The following FRYL variants were observed in gnomAD, a reference collection of about 807,000 sequenced individuals.
The protein encoded by FRYL is protein furry homolog-like.
FRYL carries 150 observed loss-of-function variants against 351.2 expected under a neutral mutation model. The ratio of observed to expected loss-of-function variants is 0.43; its 90% confidence interval spans 0.37 to 0.49. FRYL has a LOEUF of 0.49. Among genes scored for constraint, FRYL ranks in the 20% least tolerant of loss-of-function variants. The pLI, the probability that FRYL is intolerant of heterozygous loss-of-function variation, is 0.00. For synonymous variants in FRYL, 1,153 were observed against 1,257.1 expected (o/e 0.92, Z 1.75); for missense variants, 3,036 against 3,619.3 (o/e 0.84, Z 4.13).
Position 48,505,780 on chromosome 4 carries a change from A to G in FRYL, c.8395-165T>C, listed in dbSNP as rs1322962139. The G allele has an allele frequency of 1.1e-5, 6 of 526,736 alleles. No homozygotes were observed. In the Admixed American group the frequency reaches 1.4e-4, roughly 13 times the overall value. The allele number at this position is 526,736 out of a possible 1,614,324, so 32.6% of individuals were successfully genotyped here. On this transcript the variant is annotated intron_variant, in intron 59 of 63. Transcript: ENST00000358350. The stretch of plus-strand genomic sequence containing the variant: ...CCAAATCAATCATTTATATGGAACT[A>G]ACAAAAGCAGGGATAGCATTAATGT...
Position 48,531,272 on chromosome 4 carries a change from G to T in FRYL, c.6787C>A (p.Pro2263Thr). 6.2e-7 allele frequency: 1 copy of T among 1,612,944 alleles called. No homozygotes were observed. Residue 2263 changes from proline to threonine, a missense_variant, in exon 50 of 64, where the codon CCC becomes ACC. By Grantham distance (38) the Pro-to-Thr change is conservative. Transcript: ENST00000358350. ...SASLVVPSDI[P>T]KTYGGDTGSP... ...CCTGTATCTCCTCCATAGGTCTTGG[G>T]GATATCACTGGGTACGACAAGACTC...
intron 1 of FRYL, among the ~76,000 whole-genome samples, chr4:48,744,326 T>A (rs1020649845): frequency 2.0e-5 from 3 of 152,040 alleles, no homozygotes; most frequent in Non-Finnish European, 4.4e-5. Context: ...AAAGCTATTA[T>A]ATATTGTTGA....
intron 1 of FRYL, among the ~76,000 whole-genome samples, chr4:48,765,164 C>T (rs1774820267): frequency 6.6e-6 from 1 of 152,068 alleles, no homozygotes; most frequent in Non-Finnish European, 1.5e-5. Flanking sequence ...TTCTAAAATT[C>T]ATATGGAACC....
At chr4:48,752,943 C>T (rs866819998) in intron 1 of FRYL, among the ~76,000 whole-genome samples, 1 of 151,932 alleles carries the variant, frequency 6.6e-6, no homozygotes, top group African/African-American at 2.4e-5. Context: ...TGGCGCCTAT[C>T]GTTGGAGTCC....
At chr4:48,710,838 A>G in intron 1 of FRYL, 140 bp from the exon 2 acceptor site, 2 of 373,224 alleles carry the variant, frequency 5.4e-6, no homozygotes, top group Non-Finnish European at 9.5e-6. Flanking sequence ...GTAATTCCAC[A>G]CCCAGGTATA....
intron 59 of FRYL, among the ~76,000 whole-genome samples, chr4:48,508,695 A>G (rs1433813291): frequency 2.6e-5 from 4 of 152,112 alleles, no homozygotes; most frequent in Non-Finnish European, 4.4e-5. Context: ...CTTCACTCAT[A>G]TGTCTTGCAC....
chr4:48,568,470 A>G (rs895811036), intron 27 of FRYL, among the ~76,000 whole-genome samples: 21 of 152,352 alleles, frequency 1.4e-4, no homozygotes, highest in Non-Finnish European at 2.6e-4. Context: ...CTAGTAAACA[A>G]TAAGTGCTAT....
chr4:48,709,111 T>C (rs200855454), intron 2 of FRYL, among the ~76,000 whole-genome samples: 1 of 151,774 alleles, frequency 6.6e-6, no homozygotes, highest in Non-Finnish European at 1.5e-5. Context: ...TAGTAGAGAC[T>C]GGGTTTCACC....
intron 14 of FRYL, 52 bp from the exon 15 acceptor site, chr4:48,595,750 T>C: frequency 7.9e-7 from 1 of 1,262,552 alleles, no homozygotes; most frequent in Non-Finnish European, 1.1e-6. Flanking sequence ...AACAGCATAT[T>C]AGCAAAAAAT....
chr4:48,701,803 G>T (rs1766747755), intron 2 of FRYL, among the ~76,000 whole-genome samples: 1 of 152,074 alleles, frequency 6.6e-6, no homozygotes, highest in Non-Finnish European at 1.5e-5. Flanking sequence ...TTATTTTATT[G>T]ACCATTTTCT....
chr4:48,604,691 C>A (rs1458643873), intron 11 of FRYL, among the ~76,000 whole-genome samples: 1 of 152,186 alleles, frequency 6.6e-6, no homozygotes, highest in Admixed American at 6.5e-5. Flanking sequence ...ACTCTAGCCT[C>A]CGTAAATATG....
chr4:48,739,153 C>A (rs1771764588), intron 1 of FRYL, among the ~76,000 whole-genome samples: 1 of 152,116 alleles, frequency 6.6e-6, no homozygotes, highest in South Asian at 2.1e-4. Flanking sequence ...GTAATCCCAG[C>A]ACATTGGGAG....
chr4:48,586,205 A>G (rs776592), intron 19 of FRYL, among the ~76,000 whole-genome samples: 143,766 of 151,800 alleles, frequency 0.95, 68,190 homozygotes, highest in South Asian at 0.98. Flanking sequence ...CCATAGGGGG[A>G]AAAAAAAGCA....
In FRYL at chr4:48,549,457, T is replaced by C; in HGVS notation, c.4784+16A>G. ...CAACTTGGTGCATATGTAAAAGGAATGACGCTGTAGTCCACCTGTGAAGAG... is the reference window on the plus strand; with the variant it reads ...CAACTTGGTGCATATGTAAAAGGAACGACGCTGTAGTCCACCTGTGAAGAG... On this transcript the variant is annotated intron_variant, in intron 39 of 63. Transcript: ENST00000358350. The surrounding 1 kb of genome is among the most constrained non-coding windows in gnomAD (Gnocchi z 4.2). 2 of 1,593,140 alleles carry C rather than the reference T, an allele frequency of 1.3e-6. No individual in the cohort carries two copies. The highest frequency in any genetic ancestry group is 1.7e-6 in the Non-Finnish European group (2 of 1,166,900).
chr4:48,672,654 T>C (rs557796566), intron 3 of FRYL, among the ~76,000 whole-genome samples: 14 of 152,202 alleles, frequency 9.2e-5, no homozygotes, highest in Non-Finnish European at 1.9e-4. Context: ...CTTCCAGGCA[T>C]TGTGCTGCCC....
chr4:48,588,950 G>A (rs1454175465), intron 18 of FRYL, among the ~76,000 whole-genome samples: 1 of 152,148 alleles, frequency 6.6e-6, no homozygotes, highest in Non-Finnish European at 1.5e-5. Context: ...GGAAGTGGTT[G>A]TGGTGAAAAA....
At chr4:48,769,517 A>G (rs1379051341) in intron 1 of FRYL, among the ~76,000 whole-genome samples, 1 of 152,242 alleles carries the variant, frequency 6.6e-6, no homozygotes, top group Non-Finnish European at 1.5e-5. Context: ...ACTTTGGAAA[A>G]CAGTCTGGTA....
intron 3 of FRYL, among the ~76,000 whole-genome samples, chr4:48,656,142 A>G (rs2149450218): frequency 7.4e-6 from 1 of 135,682 alleles, no homozygotes; most frequent in South Asian, 2.3e-4. Context: ...CAATATATAC[A>G]TTATAAAACG....
At chr4:48,645,017 T>A (rs1267282675) in intron 3 of FRYL, among the ~76,000 whole-genome samples, 1 of 150,010 alleles carries the variant, frequency 6.7e-6, no homozygotes, top group African/African-American at 2.4e-5. Context: ...AAGATATACA[T>A]AAGCAATTCA....
Sources: gnomAD v4.1 joint callset for allele counts (sites outside exome capture counted in the v4.1 genomes callset) on GRCh38, gnomAD v4.1.1 for gene constraint, Gnocchi (gnomAD v3.1) non-coding constraint, MANE v1.5 for transcripts, NCBI Gene and HGNC (gene_info 2026-07-23, HGNC 2026-07-21) for gene names.